GRM1: variants seen among roughly 807,000 people sequenced by gnomAD.
GRM1 encodes metabotropic glutamate receptor 1.
GRM1 carries 33 observed loss-of-function variants against 90.9 expected under a neutral mutation model. The observed-to-expected ratio is 0.36, with a 90% CI of 0.28 to 0.49. GRM1 has a LOEUF of 0.49. GRM1 is among the 20% of genes least tolerant of loss of function. GRM1 has a pLI of 0.99. For missense variants in GRM1, 1,190 were observed against 1,534.3 expected (o/e 0.78, Z 3.75); for synonymous variants, 700 against 613.2 (o/e 1.14, Z -2.09).
At chr6:146,406,039 TA>T (rs1184593974) in intron 7 of GRM1, among the ~76,000 whole-genome samples, 1 of 152,136 alleles carries the variant, frequency 6.6e-6, no homozygotes, top group African/African-American at 2.4e-5. Flanking sequence ...CGACAGTATT[TA>T]AGGAGGTTGA....
At chr6:146,363,083 G>A (rs1246891006) in intron 5 of GRM1, among the ~76,000 whole-genome samples, 1 of 152,126 alleles carries the variant, frequency 6.6e-6, no homozygotes, top group East Asian at 1.9e-4. Flanking sequence ...AGTAGATATA[G>A]CTACTTGAGA....
At chr6:146,218,817 G>A (rs191213725) in intron 2 of GRM1, among the ~76,000 whole-genome samples, 112 of 152,214 alleles carry the variant, frequency 7.4e-4, no homozygotes, top group Admixed American at 1.7e-3. Flanking sequence ...AAGGGAAACC[G>A]AGAAGAGAAG....
intron 1 of GRM1, among the ~76,000 whole-genome samples, chr6:146,156,983 T>A (rs1295324909): frequency 1.3e-5 from 2 of 152,228 alleles, no homozygotes; most frequent in Non-Finnish European, 2.9e-5. Context: ...TATAAATGGA[T>A]ACCATCAGGT....
chr6:146,112,402 T>G (rs1458730836), intron 1 of GRM1, among the ~76,000 whole-genome samples: 1 of 152,130 alleles, frequency 6.6e-6, no homozygotes, highest in Non-Finnish European at 1.5e-5. Context: ...GCTTTTGAGA[T>G]AAGCAGAACT....
At chr6:146,066,010 T>C (rs138770274) in intron 1 of GRM1, among the ~76,000 whole-genome samples, 2 of 152,280 alleles carry the variant, frequency 1.3e-5, no homozygotes, top group East Asian at 1.9e-4. Context: ...ATTGTAAGGC[T>C]GTGAGATGCA....
At chr6:146,179,583 GGCT>G (rs1380556515) in intron 2 of GRM1, among the ~76,000 whole-genome samples, 1 of 152,164 alleles carries the variant, frequency 6.6e-6, no homozygotes, top group East Asian at 1.9e-4. Flanking sequence ...GTGCGATCTT[GGCT>G]CACTGCAAGC....
At chr6:146,423,678 A>G (rs1778090495) in intron 7 of GRM1, among the ~76,000 whole-genome samples, 1 of 152,146 alleles carries the variant, frequency 6.6e-6, no homozygotes, top group Non-Finnish European at 1.5e-5. Context: ...ACAGAAGTAC[A>G]GATGCTGCCT....
intron 1 of GRM1, among the ~76,000 whole-genome samples, chr6:146,123,031 G>C (rs906223734): frequency 9.2e-5 from 14 of 151,488 alleles, no homozygotes; most frequent in African/African-American, 3.2e-4. Context: ...TTTTAGTAGA[G>C]ATGGGGTTTC....
chr6:146,405,355 C>G (rs11155469), intron 7 of GRM1, among the ~76,000 whole-genome samples: 93 of 152,120 alleles, frequency 6.1e-4, no homozygotes, highest in African/African-American at 2.1e-3. Context: ...TAAGAGATAA[C>G]ATAAGGAAAA....
At chr6:146,134,595 T>G (rs1776537345) in intron 1 of GRM1, among the ~76,000 whole-genome samples, 1 of 152,094 alleles carries the variant, frequency 6.6e-6, no homozygotes, top group African/African-American at 2.4e-5. Flanking sequence ...GAAAAGCCCC[T>G]TATAAAACCG....
At chr6:146,405,213 A>G (rs1003609391) in intron 7 of GRM1, among the ~76,000 whole-genome samples, 3 of 152,204 alleles carry the variant, frequency 2.0e-5, no homozygotes, top group African/African-American at 7.2e-5. Flanking sequence ...CTGGAGCTTA[A>G]GAGAAAGGTC....
Position 146,199,957 on chromosome 6 carries a change from G to A in GRM1, c.950+40360G>A, listed in dbSNP as rs774803249. Among the ~76,000 whole-genome samples, 17 of 152,154 alleles carry A rather than the reference G, an allele frequency of 1.1e-4. 1 individual carries two copies. The highest frequency in any genetic ancestry group is 4.6e-4 in the Admixed American group (7 of 15,282). On this transcript the variant is annotated intron_variant, in intron 2 of 7. Transcript: ENST00000282753. Reference sequence around the variant, plus strand: ...GCTTGAACCTGGGAGGTGAAGATTCGGCGAGCCAAAATCTTTAACTGTTTC... The same window carrying A: ...GCTTGAACCTGGGAGGTGAAGATTCAGCGAGCCAAAATCTTTAACTGTTTC...
At chr6:146,078,571 G>A (rs1424407935) in intron 1 of GRM1, among the ~76,000 whole-genome samples, 1 of 152,028 alleles carries the variant, frequency 6.6e-6, no homozygotes, top group Non-Finnish European at 1.5e-5. Flanking sequence ...CATAAAATGT[G>A]GATATAGAGG....
At chr6:146,422,962 G>C (rs1165176563) in intron 7 of GRM1, among the ~76,000 whole-genome samples, 1 of 151,336 alleles carries the variant, frequency 6.6e-6, no homozygotes, top group African/African-American at 2.4e-5. Context: ...GAGAGGGAAA[G>C]GGAGAGGAGG....
At chr6:146,299,730 T>C (rs1406026099) in intron 2 of GRM1, among the ~76,000 whole-genome samples, 3 of 152,154 alleles carry the variant, frequency 2.0e-5, no homozygotes, top group African/African-American at 7.2e-5. Flanking sequence ...CTGCAGACCA[T>C]TCTCTTTTGC....
intron 6 of GRM1, among the ~76,000 whole-genome samples, chr6:146,389,767 T>A (rs1400030463): frequency 6.6e-5 from 10 of 152,090 alleles, no homozygotes; most frequent in Non-Finnish European, 1.5e-5. Context: ...TTCAGATGAT[T>A]TTGCAAATCT....
rs1018703074 is a variant in GRM1 at position 146,352,264 on chromosome 6, G to A, written c.1201G>A (p.Glu401Lys). ...KRICTGNESL[E>K]ENYVQDSKMG... ...TATTGTTACAGGCAATGAAAGCTTAGAAGAAAACTATGTCCAGGACAGTAA... is the reference window on the plus strand; with the variant it reads ...TATTGTTACAGGCAATGAAAGCTTAAAAGAAAACTATGTCCAGGACAGTAA... The change falls in exon 4 of 8, where the codon GAA becomes AAA. Residue 401 changes from glutamate (E) to lysine (K), a missense_variant. By Grantham distance (56) the Glu-to-Lys change is moderately conservative. This residue lies in a region of GRM1 where 414 missense variants were observed against 598.4 expected (regional missense o/e 0.69). Transcript: ENST00000282753. 3.7e-6 allele frequency: 6 copies of A among 1,613,740 alleles called. No homozygotes were observed. In the Admixed American group the frequency reaches 5.0e-5, roughly 13 times the overall value.
chr6:146,366,675 T>A (rs778505418), intron 5 of GRM1, among the ~76,000 whole-genome samples: 8 of 152,208 alleles, frequency 5.3e-5, no homozygotes, highest in Non-Finnish European at 1.2e-4. Context: ...GGATTTCATA[T>A]ACCTATTGGC....
chr6:146,389,418 G>A (rs1167323797), intron 6 of GRM1, among the ~76,000 whole-genome samples: 1 of 116,910 alleles, frequency 8.6e-6, no homozygotes. Flanking sequence ...AGATAAAAAA[G>A]CTTTTTAAAA....
Sources: allele counts gnomAD v4.1 joint callset (sites outside exome capture counted in the v4.1 genomes callset), GRCh38; gene constraint gnomAD v4.1.1; regional missense constraint gnomAD v4.1.1; transcripts MANE v1.5; gene names NCBI Gene and HGNC (gene_info 2026-07-23, HGNC 2026-07-21).